The following DOCK8 variants were observed in gnomAD, a reference collection of about 807,000 sequenced individuals.
The protein encoded by DOCK8 is dedicator of cytokinesis protein 8.
A neutral mutation model predicts 245.6 loss-of-function variants in DOCK8; 141 were observed. The observed-to-expected ratio is 0.57, with a 90% CI of 0.50 to 0.66. The LOEUF is 0.66. Ranked by LOEUF, DOCK8 falls within the 30% of genes least tolerant of loss-of-function variation. DOCK8 has a pLI of 0.00. For synonymous variants in DOCK8, 1,168 were observed against 970.2 expected (o/e 1.20, Z -3.79); for missense variants, 2,965 against 2,603.4 (o/e 1.14, Z -3.02).
chr9:368,185 CCT>C (rs1462712828), intron 15 of DOCK8, 50 bp downstream of exon 15: 3 of 1,453,498 alleles, frequency 2.1e-6, no homozygotes, highest in African/African-American at 1.4e-5. Context: ...GCTGCTCACC[CCT>C]GTCACTTCAC....
chr9:324,896 G>A (rs2050689501), intron 7 of DOCK8, among the ~76,000 whole-genome samples: 1 of 152,144 alleles, frequency 6.6e-6, no homozygotes, highest in African/African-American at 2.4e-5. Context: ...TAGTAGTAAA[G>A]TTTGAGATTT....
In DOCK8 at chr9:441,360, G is replaced by A. The variant is rs1165725101; in HGVS notation, c.5298G>A (p.Arg1766=). The part of the protein sequence containing the change: ...IPILEAHREF[R]KLTLTHSKLQ... ...TCCTAGAAGCGCATCGAGAATTCCG[G>A]AAGCTGACACTCACTCACAGCAAGC... The change falls in exon 41 of 48, where the codon CGG becomes CGA. Residue 1766 remains arginine, a synonymous_variant. Transcript: ENST00000432829. The A allele has an allele frequency of 6.2e-7, 1 of 1,614,170 alleles. No homozygotes were observed. The highest frequency in any genetic ancestry group is 2.2e-5 in the East Asian group (1 of 44,882).
At chr9:462,172 G>A (rs772171769) in intron 46 of DOCK8, among the ~76,000 whole-genome samples, 2 of 152,046 alleles carry the variant, frequency 1.3e-5, no homozygotes, top group Non-Finnish European at 2.9e-5. Flanking sequence ...CATCTTTGGC[G>A]AGAGTGGCTC....
At chr9:412,195 G>T (rs1310375342) in intron 28 of DOCK8, among the ~76,000 whole-genome samples, 1 of 152,084 alleles carries the variant, frequency 6.6e-6, no homozygotes, top group African/African-American at 2.4e-5. Context: ...TTTGAGCCCA[G>T]GAGACTGAGA....
Position 420,503 on chromosome 9 carries a change from T to A in DOCK8, c.3943T>A (p.Trp1315Arg). 1.2e-6 allele frequency: 2 copies of A among 1,614,124 alleles called. No individual in the cohort carries two copies. Among genetic ancestry groups the A allele is most frequent in the Non-Finnish European group, 1.7e-6 (2 of 1,180,030 alleles). The change falls in exon 31 of 48, where the codon TGG (tryptophan) becomes AGG (arginine). Residue 1315 changes from tryptophan (W) to arginine (R), a missense_variant. Trp to Arg is a moderately radical substitution (Grantham distance 101, BLOSUM62 -3). Around this residue, in one of 3 missense-constraint regions of DOCK8, gnomAD observed 2,825 missense variants for 2,453.5 expected, o/e 1.15. Coordinates refer to ENST00000432829, the MANE Select transcript of DOCK8 (RefSeq NM_203447.4). ...TGCTGATCAGAGCCTCATTAGGAAG[T>A]GGATTGCTGACCTGCCATCAACGCA... Reference protein sequence around the residue: ...KNADQSLIRKWIADLPSTQLN... With the variant: ...KNADQSLIRKRIADLPSTQLN...
chr9:455,241 C>G (rs1485629693), intron 46 of DOCK8, among the ~76,000 whole-genome samples: 1 of 152,188 alleles, frequency 6.6e-6, no homozygotes, highest in Non-Finnish European at 1.5e-5. Flanking sequence ...CGCCTCTAAT[C>G]CCAGCACTTT....
At position 426,902 on chromosome 9, in the gene DOCK8, A is replaced by G. The variant is rs752487877; in HGVS notation, c.4259A>G (p.Asp1420Gly). The G allele has an allele frequency of 3.7e-6, 6 of 1,614,154 alleles. No homozygotes were observed. In the South Asian group the frequency reaches 5.5e-5, roughly 15 times the overall value. ...TTTCCTAGAACAAAGGCCGAGTTAG[A>G]TCAAGAAGCCTTGATCAGTGGCAAT... ...EKLDKTKAEL[D>G]QEALISGNLA... Residue 1420 changes from aspartate (D) to glycine (G), a missense_variant, in exon 34 of 48, where the codon GAT becomes GGT. By Grantham distance (94) the Asp-to-Gly change is moderately conservative. Transcript: ENST00000432829.
At chr9:406,488 CAA>C (rs202229906) in intron 27 of DOCK8, among the ~76,000 whole-genome samples, 42 of 95,252 alleles carry the variant, frequency 4.4e-4, no homozygotes, top group African/African-American at 1.8e-3. Flanking sequence ...CTCTGTCTTT[CAA>C]AAAAAAAAAA....
Position 356,423 on chromosome 9 carries a change from C to T in DOCK8, c.1680-11595C>T, listed in dbSNP as rs200846813. On this transcript the variant is annotated intron_variant, in intron 14 of 47. Coordinates refer to ENST00000432829, the MANE Select transcript of DOCK8 (RefSeq NM_203447.4). ...CAGGCGCCTGTAATCCCAGCTACTC[C>T]GGAGGCTGAGGCAGGAGAATAGCGT... Among the ~76,000 whole-genome samples, 17 of 151,174 alleles carry T rather than the reference C, an allele frequency of 1.1e-4. No individual in the cohort carries two copies. The East Asian group carries it at 2.1e-3, about 19-fold the overall frequency.
intron 18 of DOCK8, 39 bp from the exon 19 acceptor site, chr9:376,171 A>G (rs2053506583): frequency 1.4e-6 from 2 of 1,413,606 alleles, no homozygotes; most frequent in Admixed American, 1.7e-5. Flanking sequence ...CAGAAAAGGG[A>G]ATTGGATTGC....
At chr9:216,703 C>T (rs2046763637) in intron 1 of DOCK8, among the ~76,000 whole-genome samples, 1 of 151,936 alleles carries the variant, frequency 6.6e-6, no homozygotes, top group Admixed American at 6.6e-5. Context: ...GTATTATTTG[C>T]TATAGCTCCT....
At chr9:294,651 T>C (rs569339887) in intron 4 of DOCK8, among the ~76,000 whole-genome samples, 1 of 152,218 alleles carries the variant, frequency 6.6e-6, no homozygotes, top group African/African-American at 2.4e-5. Context: ...ATACAGCAGT[T>C]TAGCAGTTTT....
At chr9:281,904 C>T (rs920620366) in intron 2 of DOCK8, among the ~76,000 whole-genome samples, 1 of 152,074 alleles carries the variant, frequency 6.6e-6, no homozygotes, top group East Asian at 1.9e-4. Context: ...GTAGGGGAGA[C>T]GAACTATTCA....
intron 26 of DOCK8, among the ~76,000 whole-genome samples, chr9:399,774 C>A (rs918643151): frequency 1.3e-5 from 2 of 151,974 alleles, no homozygotes; most frequent in African/African-American, 4.8e-5. Context: ...TCAGTGCCAT[C>A]CCCCCAGATT....
chr9:274,871 TTACC>T (rs1446048847), intron 2 of DOCK8, among the ~76,000 whole-genome samples: 1 of 152,246 alleles, frequency 6.6e-6, no homozygotes, highest in Non-Finnish European at 1.5e-5. Flanking sequence ...TTCGTTTCTC[TTACC>T]TTTATTTTTA....
chr9:356,811 G>A (rs889400502), intron 14 of DOCK8, among the ~76,000 whole-genome samples: 5 of 150,472 alleles, frequency 3.3e-5, no homozygotes, highest in African/African-American at 1.2e-4. Context: ...CAGTGTTTCA[G>A]AAGGAAATCT....
At chr9:307,338 GTTTTTTTT>G (rs1165775428) in intron 5 of DOCK8, among the ~76,000 whole-genome samples, 4,989 of 51,388 alleles carry the variant, frequency 0.097, 442 homozygotes, top group African/African-American at 0.23. Context: ...GGTTTTTTTT[GTTTTTTTT>G]TTTTTTTTTT....
At chr9:379,508 C>T (rs937934663) in intron 20 of DOCK8, among the ~76,000 whole-genome samples, 7 of 152,054 alleles carry the variant, frequency 4.6e-5, no homozygotes, top group East Asian at 1.9e-4. Flanking sequence ...AGAAGGAGGA[C>T]GTCTGGACAG....
At chr9:214,723 C>G (rs1321124253), upstream of DOCK8, 13 of 1,537,738 alleles carry the variant, frequency 8.5e-6, no homozygotes, top group East Asian at 1.8e-4. Context: ...CAGTTCCGCG[C>G]TGGGCCCACG....
Sources: allele counts gnomAD v4.1 joint callset (sites outside exome capture counted in the v4.1 genomes callset), GRCh38; gene constraint gnomAD v4.1.1; regional missense constraint gnomAD v4.1.1; transcripts MANE v1.5; gene names NCBI Gene and HGNC (gene_info 2026-07-23, HGNC 2026-07-21).